AFG2A: variants seen among roughly 807,000 people sequenced by gnomAD.
AFG2A encodes the protein ATPase family gene 2 protein homolog A.
the AFG2A span, among the ~76,000 whole-genome samples, chr4:123,183,867 C>G: frequency 6.6e-6 from 1 of 152,210 alleles, no homozygotes; most frequent in Non-Finnish European, 1.5e-5. Context: ...TCAAGCCATC[C>G]TCCCACCCCA....
chr4:123,145,481 C>T, the AFG2A span, among the ~76,000 whole-genome samples: 1 of 152,096 alleles, frequency 6.6e-6, no homozygotes, highest in African/African-American at 2.4e-5. Context: ...AATGCACTTT[C>T]AATCTGCTAA....
At chr4:123,160,060 G>C in the AFG2A span, among the ~76,000 whole-genome samples, 1 of 151,888 alleles carries the variant, frequency 6.6e-6, no homozygotes, top group Non-Finnish European at 1.5e-5. Flanking sequence ...ACTCCTTCTA[G>C]AGTAACAATA....
the AFG2A span, among the ~76,000 whole-genome samples, chr4:123,215,890 A>G: frequency 6.6e-6 from 1 of 152,280 alleles, no homozygotes; most frequent in African/African-American, 2.4e-5. Context: ...TGCCCTAGTT[A>G]CAGTCTTTCT....
At chr4:123,261,636 A>G in the AFG2A span, among the ~76,000 whole-genome samples, 1 of 152,068 alleles carries the variant, frequency 6.6e-6, no homozygotes, top group Admixed American at 6.5e-5. Context: ...CCAAGGGACA[A>G]CTATATTCTT....
chr4:123,075,865 G>A, the AFG2A span, among the ~76,000 whole-genome samples: 9,503 of 151,732 alleles, frequency 0.063, 531 homozygotes, highest in African/African-American at 0.14. Flanking sequence ...GTTGAGGCAG[G>A]AGAATCACTT....
chr4:123,200,773 G>T, the AFG2A span, among the ~76,000 whole-genome samples: 1 of 152,202 alleles, frequency 6.6e-6, no homozygotes, highest in Non-Finnish European at 1.5e-5. Context: ...CCAAGGCAAC[G>T]TAGCTGTGAC....
chr4:123,212,826 T>C, the AFG2A span, among the ~76,000 whole-genome samples: 1 of 152,172 alleles, frequency 6.6e-6, no homozygotes, highest in Admixed American at 6.6e-5. Context: ...TTAACCTCAG[T>C]CAAGTTACTT....
the AFG2A span, among the ~76,000 whole-genome samples, chr4:123,097,562 T>C: frequency 1.3e-5 from 2 of 152,268 alleles, no homozygotes; most frequent in East Asian, 3.9e-4. Context: ...ATTTCAGCTT[T>C]GCCATCTTTA....
chr4:123,146,677 G>A, the AFG2A span, among the ~76,000 whole-genome samples: 4 of 152,130 alleles, frequency 2.6e-5, no homozygotes, highest in African/African-American at 4.8e-5. Flanking sequence ...CAGATTTCCA[G>A]GTGCTTTTTT....
At chr4:123,115,526 T>A in the AFG2A span, among the ~76,000 whole-genome samples, 5 of 152,012 alleles carry the variant, frequency 3.3e-5, no homozygotes, top group Non-Finnish European at 7.4e-5. Context: ...TGTGCGCAAC[T>A]GCAGCACCCC....
chr4:123,003,456 A>G, the AFG2A span, among the ~76,000 whole-genome samples: 2 of 151,926 alleles, frequency 1.3e-5, no homozygotes, highest in African/African-American at 4.8e-5. Flanking sequence ...TTGGTCTTTG[A>G]TGATGGTGAT....
the AFG2A span, among the ~76,000 whole-genome samples, chr4:123,007,598 G>GTT: frequency 2.3e-4 from 2 of 8,638 alleles, no homozygotes; most frequent in African/African-American, 9.2e-4. Flanking sequence ...GTGTGTGTGT[G>GTT]TGTGTGTGTG....
the AFG2A span, among the ~76,000 whole-genome samples, chr4:123,273,914 G>A: frequency 2.0e-5 from 3 of 152,216 alleles, no homozygotes; most frequent in Middle Eastern, 6.8e-3. Flanking sequence ...CTGTACTGAG[G>A]TGACAGGTAA....
the AFG2A span, among the ~76,000 whole-genome samples, chr4:123,096,405 A>T: frequency 6.6e-6 from 1 of 152,110 alleles, no homozygotes; most frequent in Non-Finnish European, 1.5e-5. Context: ...AATAATAGTT[A>T]AATGCCCAAA....
At chr4:123,105,802 G>A in the AFG2A span, among the ~76,000 whole-genome samples, 3,335 of 152,304 alleles carry the variant, frequency 0.022, 122 homozygotes, top group African/African-American at 0.076. Context: ...GAATGGATGA[G>A]GAGTTATTTC....
chr4:123,314,776 G>A, the AFG2A span: 1 of 137,304 alleles, frequency 7.3e-6, no homozygotes, highest in Admixed American at 7.7e-5. Context: ...TTTTTTTTGA[G>A]ACAGAGTCTC....
At chr4:123,177,297 AT>A in the AFG2A span, among the ~76,000 whole-genome samples, 1 of 151,590 alleles carries the variant, frequency 6.6e-6, no homozygotes, top group African/African-American at 2.4e-5. Context: ...GGTTCAAGCA[AT>A]TCTCCTGCCT....
chr4:122,970,935 G>A, the AFG2A span, among the ~76,000 whole-genome samples: 1 of 152,140 alleles, frequency 6.6e-6, no homozygotes, highest in Non-Finnish European at 1.5e-5. Flanking sequence ...CCGGGTTCAA[G>A]CAATTCTTGT....
At chr4:123,168,842 T>C in the AFG2A span, among the ~76,000 whole-genome samples, 1 of 152,230 alleles carries the variant, frequency 6.6e-6, no homozygotes, top group Non-Finnish European at 1.5e-5. Flanking sequence ...ATCCATTCTT[T>C]ATATGAGTAG....
Sources: allele counts gnomAD v4.1 joint callset (sites outside exome capture counted in the v4.1 genomes callset), GRCh38; gene constraint gnomAD v4.1.1; transcripts MANE v1.5; gene names NCBI Gene and HGNC (gene_info 2026-07-23, HGNC 2026-07-21).